CACNA2D3: variants seen among roughly 807,000 people sequenced by gnomAD.
CACNA2D3 encodes voltage-dependent calcium channel subunit alpha-2/delta-3.
CACNA2D3 carries 60 observed loss-of-function variants against 160.6 expected under a neutral mutation model. The observed-to-expected ratio is 0.37, with a 90% CI of 0.30 to 0.46. CACNA2D3 has a LOEUF of 0.46. CACNA2D3 is among the 20% of genes least tolerant of loss of function. The pLI, the probability that CACNA2D3 is intolerant of heterozygous loss-of-function variation, is 1.00. For missense variants in CACNA2D3, 1,205 were observed against 1,365.0 expected (o/e 0.88, Z 1.85); for synonymous variants, 558 against 492.9 (o/e 1.13, Z -1.75).
At chr3:54,556,292 CAAAGG>C (rs900150451) in intron 5 of CACNA2D3, among the ~76,000 whole-genome samples, 4 of 151,956 alleles carry the variant, frequency 2.6e-5, no homozygotes, top group African/African-American at 9.7e-5. Context: ...CCTTCTGAGA[CAAAGG>C]AGAGAGAGAG....
intron 4 of CACNA2D3, among the ~76,000 whole-genome samples, chr3:54,459,854 A>G (rs1424351285): frequency 2.0e-5 from 3 of 152,190 alleles, no homozygotes; most frequent in African/African-American, 7.2e-5. Flanking sequence ...GCCCATGCCT[A>G]TGTCCTGAAT....
intron 2 of CACNA2D3, among the ~76,000 whole-genome samples, chr3:54,155,649 A>T (rs566012364): frequency 3.2e-4 from 49 of 152,336 alleles, no homozygotes; most frequent in African/African-American, 1.1e-3. Context: ...CATTGAAAAC[A>T]AGTTATAAAG....
intron 9 of CACNA2D3, among the ~76,000 whole-genome samples, chr3:54,596,446 C>G (rs560960338): frequency 2.7e-4 from 41 of 152,274 alleles, no homozygotes; most frequent in African/African-American, 9.9e-4. Context: ...CCTATTAGTA[C>G]CTAGAAGGGG....
intron 12 of CACNA2D3, among the ~76,000 whole-genome samples, chr3:54,755,181 C>T (rs1701948349): frequency 6.6e-6 from 1 of 152,156 alleles, no homozygotes; most frequent in Non-Finnish European, 1.5e-5. Context: ...AATCTAAATT[C>T]TGATTTCACG....
intron 5 of CACNA2D3, among the ~76,000 whole-genome samples, chr3:54,546,399 G>A (rs1702065104): frequency 6.6e-6 from 1 of 152,170 alleles, no homozygotes; most frequent in Non-Finnish European, 1.5e-5. Context: ...AGAGAGCACT[G>A]ACATAATTAC....
In CACNA2D3 at chr3:54,739,186, G is replaced by A. The variant is rs570196675; in HGVS notation, c.1168-13413G>A. ...GAATGTGGAGGCACTTGGGGAGGCC[G>A]AGGTGAGTGGATCACCTGAGGTCAG... On this transcript the variant is annotated intron_variant, in intron 11 of 37. Transcript: ENST00000474759. Among the ~76,000 whole-genome samples, 5 of 152,020 alleles carry A rather than the reference G, an allele frequency of 3.3e-5. No homozygotes were observed. The East Asian group carries it at 5.8e-4, about 18-fold the overall frequency.
intron 27 of CACNA2D3, among the ~76,000 whole-genome samples, chr3:54,956,855 A>G (rs1701910058): frequency 6.6e-6 from 1 of 151,994 alleles, no homozygotes; most frequent in South Asian, 2.1e-4. Context: ...CTGACAGAAA[A>G]GAACACCGAG....
Position 54,131,869 on chromosome 3 carries a change from C to G in CACNA2D3, c.204+8275C>G, listed in dbSNP as rs111437760. 2.9e-3 allele frequency among the ~76,000 whole-genome samples: 436 copies of G among 152,142 alleles called. 3 individuals are homozygous for G. Among genetic ancestry groups the G allele is most frequent in the African/African-American group, 0.01 (422 of 41,526 alleles). ...TGCTGTAACATTGTGCTATAATTTG[C>G]GAAGCAAGGTGAAAGTTGGAAATAT... On this transcript the variant is annotated intron_variant, in intron 2 of 37. Transcript: ENST00000474759.
At chr3:54,698,197 A>G (rs1435335105) in intron 11 of CACNA2D3, among the ~76,000 whole-genome samples, 2 of 152,200 alleles carry the variant, frequency 1.3e-5, no homozygotes, top group Admixed American at 1.3e-4. Context: ...GAACAACAAT[A>G]GCAGATTTGT....
At chr3:54,505,969 G>A (rs141334817) in intron 5 of CACNA2D3, among the ~76,000 whole-genome samples, 1 of 152,296 alleles carries the variant, frequency 6.6e-6, no homozygotes, top group African/African-American at 2.4e-5. Flanking sequence ...GTCATCCTCA[G>A]CAGCCCTCCT....
intron 3 of CACNA2D3, among the ~76,000 whole-genome samples, chr3:54,385,335 C>G (rs757084086): frequency 2.1e-4 from 32 of 152,110 alleles, no homozygotes; most frequent in Non-Finnish European, 3.8e-4. Flanking sequence ...GGTGAGGAAG[C>G]TGAGGCTCAG....
At chr3:54,143,277 C>T (rs911739116) in intron 2 of CACNA2D3, among the ~76,000 whole-genome samples, 2 of 152,124 alleles carry the variant, frequency 1.3e-5, no homozygotes, top group Admixed American at 6.5e-5. Flanking sequence ...TATGATGGCA[C>T]GGGCTTCAGA....
chr3:54,285,816 CAG>C (rs1214428690), intron 2 of CACNA2D3, among the ~76,000 whole-genome samples: 3 of 152,248 alleles, frequency 2.0e-5, no homozygotes, highest in South Asian at 2.1e-4. Flanking sequence ...CCCTGGCAAA[CAG>C]GGTCTGGAGT....
At position 54,295,201 on chromosome 3, in the gene CACNA2D3, G is replaced by T. The variant is rs187391169; in HGVS notation, c.205-25241G>T. Among the ~76,000 whole-genome samples, 25 of 152,278 alleles carry T rather than the reference G, an allele frequency of 1.6e-4. 1 individual carries two copies. Among genetic ancestry groups the T allele is most frequent in the Admixed American group, 1.6e-3 (25 of 15,306 alleles). On this transcript the variant is annotated intron_variant, in intron 2 of 37. Transcript: ENST00000474759. ...GGGGTGCCAAAGGTGCATGGAGGTGGTGAGGTGTGCTTTTTGAGGCTGGGG... is the reference window on the plus strand; with the variant it reads ...GGGGTGCCAAAGGTGCATGGAGGTGTTGAGGTGTGCTTTTTGAGGCTGGGG...
At chr3:54,816,900 C>T in intron 14 of CACNA2D3, 30 bp downstream of exon 14, 3 of 1,612,324 alleles carry the variant, frequency 1.9e-6, no homozygotes, top group East Asian at 2.2e-5. Flanking sequence ...ATTCCAGTCA[C>T]CCCCAGAACT....
intron 3 of CACNA2D3, among the ~76,000 whole-genome samples, chr3:54,358,785 A>T (rs1698693132): frequency 6.6e-6 from 1 of 152,236 alleles, no homozygotes; most frequent in Non-Finnish European, 1.5e-5. Context: ...GCAAGCTAGA[A>T]GGCCAGTATT....
chr3:54,130,423 T>C (rs1244713356), intron 2 of CACNA2D3, among the ~76,000 whole-genome samples: 1 of 152,212 alleles, frequency 6.6e-6, no homozygotes, highest in Non-Finnish European at 1.5e-5. Context: ...GCATCTCTCT[T>C]TTTATCTTTT....
At chr3:54,394,441 G>C (rs1699338571) in intron 4 of CACNA2D3, among the ~76,000 whole-genome samples, 1 of 146,686 alleles carries the variant, frequency 6.8e-6, no homozygotes, top group African/African-American at 2.6e-5. Context: ...CTAGCATTAG[G>C]TATATCTCCC....
At chr3:54,457,044 T>A (rs1301576164) in intron 4 of CACNA2D3, among the ~76,000 whole-genome samples, 1 of 151,994 alleles carries the variant, frequency 6.6e-6, no homozygotes, top group East Asian at 1.9e-4. Flanking sequence ...AGCCAACTTT[T>A]CATTTTGTTG....
Sources: gnomAD v4.1 joint callset for allele counts (sites outside exome capture counted in the v4.1 genomes callset) on GRCh38, gnomAD v4.1.1 for gene constraint, MANE v1.5 for transcripts, NCBI Gene and HGNC (gene_info 2026-07-23, HGNC 2026-07-21) for gene names.